The following SUZ12 variants were observed in gnomAD, a reference collection of about 807,000 sequenced individuals.
SUZ12 encodes the protein polycomb protein SUZ12.
Under a neutral mutation model 87.3 loss-of-function variants are expected in SUZ12, and 17 were observed. The observed-to-expected ratio is 0.19, with a 90% CI of 0.13 to 0.29. The LOEUF (loss-of-function observed/expected upper bound fraction) is 0.29, where lower values mean the gene tolerates loss of function less well. Ranked by LOEUF, SUZ12 falls within the 10% of genes least tolerant of loss-of-function variation. The probability of loss-of-function intolerance (pLI) is 1.00; values close to 1 mark genes in which losing one functional copy is unlikely to be tolerated. For synonymous variants in SUZ12, 253 were observed against 312.4 expected (o/e 0.81, Z 2.01); for missense variants, 526 against 912.2 (o/e 0.58, Z 5.45).
intron 3 of SUZ12, among the ~76,000 whole-genome samples, chr17:31,946,507 G>A (rs1364490241): frequency 6.6e-6 from 1 of 152,136 alleles, no homozygotes; most frequent in African/African-American, 2.4e-5. Context: ...ACTCCAGCCT[G>A]GGCAACAAGA....
chr17:31,946,081 AAG>A (rs1373322743), intron 3 of SUZ12, among the ~76,000 whole-genome samples: 1 of 152,160 alleles, frequency 6.6e-6, no homozygotes, highest in Non-Finnish European at 1.5e-5. Context: ...TCTAAAGGTA[AAG>A]AGAGAAGCTT....
chr17:32,000,933 C>T lies in SUZ12; in HGVS notation c.*1930C>T, dbSNP rs1910225602. 9.0e-6 allele frequency: 2 copies of T among 221,262 alleles called. No homozygotes were observed. Among genetic ancestry groups the T allele is most frequent in the South Asian group, 3.7e-4 (2 of 5,434 alleles). The allele number at this position is 221,262 out of a possible 1,614,324, so 13.7% of individuals were successfully genotyped here. ...AAGATGATAAAGCATTTGAATGGTACAGTAGATGTAAAAAAAATTCAGTTT... is the reference window on the plus strand; with the variant it reads ...AAGATGATAAAGCATTTGAATGGTATAGTAGATGTAAAAAAAATTCAGTTT... On this transcript the variant is annotated 3_prime_UTR_variant, in exon 16 of 16. Coordinates refer to ENST00000322652, the MANE Select transcript of SUZ12 (RefSeq NM_015355.4).
At chr17:31,943,496 G>A (rs1598146809) in intron 3 of SUZ12, among the ~76,000 whole-genome samples, 1 of 152,198 alleles carries the variant, frequency 6.6e-6, no homozygotes, top group African/African-American at 2.4e-5. Flanking sequence ...TGAGGGTAGG[G>A]GAGATAACAT....
chr17:31,963,484 T>C (rs1025440117), intron 4 of SUZ12, among the ~76,000 whole-genome samples: 1 of 151,478 alleles, frequency 6.6e-6, no homozygotes, highest in African/African-American at 2.4e-5. Flanking sequence ...GTGGTGGTTC[T>C]TAGGTATTTT....
At chr17:31,968,268 A>T (rs1425357630) in intron 5 of SUZ12, among the ~76,000 whole-genome samples, 4 of 152,056 alleles carry the variant, frequency 2.6e-5, no homozygotes, top group Admixed American at 2.6e-4. Context: ...GTTTGTTTAG[A>T]CAGGGTCTTG....
Position 31,989,765 on chromosome 17 carries a change from A to ATTTTTTT in SUZ12, c.1201+1279_1201+1285dup, listed in dbSNP as rs568524946. Among the ~76,000 whole-genome samples, 121 of 129,836 alleles carry ATTTTTTT rather than the reference A, an allele frequency of 9.3e-4. 1 individual carries two copies. The highest frequency in any genetic ancestry group is 8.3e-3 in the Middle Eastern group (2 of 240). The allele number at this position is 129,836 out of a possible 152,430, so 85.2% of individuals were successfully genotyped here. On this transcript the variant is annotated intron_variant, in intron 10 of 15. Coordinates refer to ENST00000322652, the MANE Select transcript of SUZ12 (RefSeq NM_015355.4). ...AGGCGCCTGCCACCACGACCAGCTAATTTTTTTTTTTTTTTTTGTATTTTT... is the reference window on the plus strand; with the variant it reads ...AGGCGCCTGCCACCACGACCAGCTAATTTTTTTTTTTTTTTTTTTTTTTTGTATTTTT...
intron 4 of SUZ12, among the ~76,000 whole-genome samples, chr17:31,962,432 A>C (rs1348841866): frequency 1.3e-5 from 2 of 151,498 alleles, no homozygotes; most frequent in African/African-American, 2.4e-5. Flanking sequence ...CTCCACAAAC[A>C]TGTAAAAATT....
At chr17:31,982,906 A>T in intron 8 of SUZ12, 93 bp from the exon 9 acceptor site, 2 of 1,383,572 alleles carry the variant, frequency 1.4e-6, no homozygotes, top group Non-Finnish European at 1.9e-6. Context: ...TATAAATTTA[A>T]TAAATGGTTT....
At chr17:31,938,204 A>T (rs1906055425) in intron 1 of SUZ12, among the ~76,000 whole-genome samples, 2 of 152,170 alleles carry the variant, frequency 1.3e-5, no homozygotes, top group African/African-American at 2.4e-5. Flanking sequence ...AAACTGACTT[A>T]TTTGGAAAGG....
At chr17:31,951,775 C>CTT (rs61047916) in intron 4 of SUZ12, among the ~76,000 whole-genome samples, 10 of 114,316 alleles carry the variant, frequency 8.7e-5, no homozygotes, top group East Asian at 5.0e-4. Context: ...CGCGCCCAGC[C>CTT]TTTTTTTTTT....
At chr17:31,953,814 A>G (rs991363538) in intron 4 of SUZ12, among the ~76,000 whole-genome samples, 3 of 151,074 alleles carry the variant, frequency 2.0e-5, no homozygotes, top group African/African-American at 7.3e-5. Context: ...CCTTGGTTCA[A>G]GCAGTTCTCC....
At chr17:31,989,371 C>A (rs147734661) in intron 10 of SUZ12, among the ~76,000 whole-genome samples, 5 of 151,556 alleles carry the variant, frequency 3.3e-5, no homozygotes, top group African/African-American at 9.7e-5. Flanking sequence ...CCAAGTGTGC[C>A]TAGAAATTTG....
At chr17:31,957,695 G>A (rs1907438483) in intron 4 of SUZ12, among the ~76,000 whole-genome samples, 1 of 149,204 alleles carries the variant, frequency 6.7e-6, no homozygotes, top group African/African-American at 2.6e-5. Flanking sequence ...GTAGCCGTAA[G>A]CCACTGCCCC....
At chr17:31,958,194 G>A (rs576526236) in intron 4 of SUZ12, among the ~76,000 whole-genome samples, 11 of 151,758 alleles carry the variant, frequency 7.2e-5, no homozygotes, top group South Asian at 2.1e-4. Context: ...GAGCCACCGC[G>A]CCCAGCCCCT....
intron 8 of SUZ12, among the ~76,000 whole-genome samples, chr17:31,979,788 A>G (rs1318423032): frequency 6.6e-6 from 1 of 152,182 alleles, no homozygotes; most frequent in African/African-American, 2.4e-5. Flanking sequence ...ATGCTAATAC[A>G]TGAAGCTGAG....
intron 9 of SUZ12, among the ~76,000 whole-genome samples, chr17:31,983,540 A>G (rs1168924847): frequency 6.6e-6 from 1 of 152,064 alleles, no homozygotes; most frequent in East Asian, 1.9e-4. Flanking sequence ...TTGGCCTCCC[A>G]AAGCGCTGGG....
At chr17:31,964,119 TG>T (rs1907937643) in intron 4 of SUZ12, among the ~76,000 whole-genome samples, 1 of 151,860 alleles carries the variant, frequency 6.6e-6, no homozygotes, top group Admixed American at 6.6e-5. Flanking sequence ...CTCTGCCTCC[TG>T]GGCTCAAGTG....
intron 15 of SUZ12, among the ~76,000 whole-genome samples, chr17:31,998,088 T>C (rs1363699856): frequency 1.3e-5 from 2 of 151,136 alleles, no homozygotes; most frequent in Non-Finnish European, 3.0e-5. Context: ...ATTTTTTTTT[T>C]TTTTTTTTTG....
chr17:31,959,049 A>G (rs956002102), intron 4 of SUZ12, among the ~76,000 whole-genome samples: 1 of 151,980 alleles, frequency 6.6e-6, no homozygotes, highest in Non-Finnish European at 1.5e-5. Flanking sequence ...TCTGTAGACT[A>G]CCTCTTAGGT....
Sources: allele counts gnomAD v4.1 joint callset (sites outside exome capture counted in the v4.1 genomes callset), GRCh38; gene constraint gnomAD v4.1.1; transcripts MANE v1.5; gene names NCBI Gene and HGNC (gene_info 2026-07-23, HGNC 2026-07-21).